The following PRR16 variants were observed in gnomAD, a reference collection of about 807,000 sequenced individuals.
PRR16 encodes the protein protein Largen.
Under a neutral mutation model 18.2 loss-of-function variants are expected in PRR16, and 6 were observed. That is an observed-to-expected ratio of 0.33 (90% CI 0.18 to 0.65). The LOEUF (loss-of-function observed/expected upper bound fraction) is 0.65. Among genes scored for constraint, PRR16 ranks in the 30% least tolerant of loss-of-function variants. PRR16 has a pLI of 0.74. For synonymous variants in PRR16, 151 were observed against 147.8 expected, an observed-to-expected ratio of 1.02 and a Z score of -0.16; for missense variants, 412 against 376.6, an observed-to-expected ratio of 1.09 and a Z score of -0.78.
intron 1 of PRR16, among the ~76,000 whole-genome samples, chr5:120,483,770 A>G (rs905028225): frequency 1.3e-5 from 2 of 152,230 alleles, no homozygotes; most frequent in East Asian, 1.9e-4. Flanking sequence ...TTTATCATGA[A>G]TATAAATTTC....
At chr5:120,667,035 T>C (rs1001502964) in intron 1 of PRR16, among the ~76,000 whole-genome samples, 4 of 151,510 alleles carry the variant, frequency 2.6e-5, no homozygotes, top group Admixed American at 1.3e-4. Flanking sequence ...GAAGGAATGG[T>C]ACCAGCTCCT....
chr5:120,778,654 T>C, the PRR16 span, among the ~76,000 whole-genome samples: 24 of 152,306 alleles, frequency 1.6e-4, no homozygotes, highest in Admixed American at 3.3e-4. Flanking sequence ...AGATTAGTCA[T>C]GGCTGACCAA....
intron 1 of PRR16, among the ~76,000 whole-genome samples, chr5:120,617,834 C>A (rs10042938): frequency 2.0e-5 from 3 of 151,962 alleles, no homozygotes; most frequent in Admixed American, 2.0e-4. Flanking sequence ...ACCATAAGAA[C>A]GATCATTACC....
intron 1 of PRR16, among the ~76,000 whole-genome samples, chr5:120,646,048 T>TTATA (rs10606917): frequency 0.029 from 3,040 of 104,826 alleles, 96 homozygotes; most frequent in East Asian, 0.12. Flanking sequence ...AATACATATT[T>TTATA]TATATATATA....
At chr5:120,779,434 CACA>C in the PRR16 span, among the ~76,000 whole-genome samples, 1 of 152,000 alleles carries the variant, frequency 6.6e-6, no homozygotes, top group Non-Finnish European at 1.5e-5. Flanking sequence ...AACAAAAAAA[CACA>C]ACAAACTATC....
At chr5:120,766,713 G>C in the PRR16 span, among the ~76,000 whole-genome samples, 4 of 151,988 alleles carry the variant, frequency 2.6e-5, no homozygotes, top group East Asian at 7.7e-4. Flanking sequence ...GCTAATTATA[G>C]AGTTGGGTAT....
At chr5:120,704,785 A>T in the PRR16 span, among the ~76,000 whole-genome samples, 1 of 152,190 alleles carries the variant, frequency 6.6e-6, no homozygotes, top group Admixed American at 6.5e-5. Context: ...AATACAGAGA[A>T]TGGCACATCT....
chr5:120,481,320 G>A (rs1363200291), intron 1 of PRR16: 5 of 431,574 alleles, frequency 1.2e-5, no homozygotes, highest in South Asian at 3.3e-5. Flanking sequence ...TAGCAGAGAC[G>A]GGGTTTCACT....
At chr5:120,523,304 G>T (rs1245711834) in intron 1 of PRR16, among the ~76,000 whole-genome samples, 1 of 152,146 alleles carries the variant, frequency 6.6e-6, no homozygotes, top group Non-Finnish European at 1.5e-5. Flanking sequence ...TTGCCTCTTA[G>T]GTTAGATATA....
At chr5:120,700,261 T>C in the PRR16 span, among the ~76,000 whole-genome samples, 3 of 152,082 alleles carry the variant, frequency 2.0e-5, no homozygotes, top group Non-Finnish European at 2.9e-5. Context: ...TTATAGGCTT[T>C]AAAAGGCCAT....
chr5:120,502,371 A>T (rs1174752421), intron 1 of PRR16, among the ~76,000 whole-genome samples: 2 of 149,476 alleles, frequency 1.3e-5, no homozygotes, highest in Admixed American at 6.7e-5. Context: ...TTTATATATT[A>T]TATATATATG....
At chr5:120,554,740 A>G (rs1347787579) in intron 1 of PRR16, among the ~76,000 whole-genome samples, 1 of 151,968 alleles carries the variant, frequency 6.6e-6, no homozygotes, top group Non-Finnish European at 1.5e-5. Flanking sequence ...GAGTAGCTCT[A>G]CTGTCCCCAG....
the PRR16 span, among the ~76,000 whole-genome samples, chr5:120,778,096 C>T: frequency 6.6e-6 from 1 of 151,916 alleles, no homozygotes; most frequent in Non-Finnish European, 1.5e-5. Flanking sequence ...GTTAAGATGC[C>T]TAAAACCTAA....
intron 1 of PRR16, among the ~76,000 whole-genome samples, chr5:120,523,512 A>G (rs975411934): frequency 2.0e-5 from 3 of 152,290 alleles, no homozygotes; most frequent in African/African-American, 7.2e-5. Flanking sequence ...ATGTCAATGA[A>G]TATGGTTTAT....
At chr5:120,711,166 T>G in the PRR16 span, among the ~76,000 whole-genome samples, 2 of 152,208 alleles carry the variant, frequency 1.3e-5, no homozygotes, top group Non-Finnish European at 2.9e-5. Flanking sequence ...GTTAGTAGAT[T>G]AGCAACTTTT....
intron 1 of PRR16, among the ~76,000 whole-genome samples, chr5:120,629,529 C>G (rs1310923771): frequency 6.6e-5 from 10 of 152,086 alleles, no homozygotes; most frequent in Admixed American, 6.6e-4. Context: ...TGCTCACCAC[C>G]TTACCATCTA....
At chr5:120,692,790 G>A in the PRR16 span, among the ~76,000 whole-genome samples, 2 of 152,086 alleles carry the variant, frequency 1.3e-5, no homozygotes, top group Non-Finnish European at 2.9e-5. Context: ...CTATAACCCT[G>A]CTAAAAGCTT....
intron 1 of PRR16, among the ~76,000 whole-genome samples, chr5:120,557,979 G>A (rs1025427245): frequency 2.0e-5 from 3 of 151,744 alleles, no homozygotes; most frequent in African/African-American, 7.3e-5. Flanking sequence ...TAGAAATTAA[G>A]CATATTACCA....
chr5:120,718,670 T>C, the PRR16 span, among the ~76,000 whole-genome samples: 1 of 152,100 alleles, frequency 6.6e-6, no homozygotes, highest in Non-Finnish European at 1.5e-5. Flanking sequence ...TGGTTTCCCC[T>C]GGTCCAGGAA....
Sources: gnomAD v4.1 joint callset for allele counts (sites outside exome capture counted in the v4.1 genomes callset) on GRCh38, gnomAD v4.1.1 for gene constraint, MANE v1.5 for transcripts, NCBI Gene and HGNC (gene_info 2026-07-23, HGNC 2026-07-21) for gene names.